The following AK2 variants were observed in gnomAD, a reference collection of about 807,000 sequenced individuals.
The protein encoded by AK2 is adenylate kinase 2.
A neutral mutation model predicts 24.6 loss-of-function variants in AK2; 15 were observed. The observed-to-expected ratio is 0.61, with a 90% confidence interval of 0.41 to 0.94. The LOEUF (loss-of-function observed/expected upper bound fraction) is 0.94. Among genes scored for constraint, AK2 ranks in the 40% least tolerant of loss-of-function variants. AK2 has a pLI of 0.00. For missense variants in AK2, 257 were observed against 304.1 expected, an observed-to-expected ratio of 0.85 and a Z score of 1.15; for synonymous variants, 102 against 114.0, an observed-to-expected ratio of 0.90 and a Z score of 0.67.
rs1335543412 is a variant in AK2, at chr1:33,013,393, C to T, written c.508G>A (p.Glu170Lys). ...TCATCTGATCGACGGATCAAGGGTTCCCCGGTGATCTGAGAACAGGAAGAC... is the reference window on the plus strand; with the variant it reads ...TCATCTGATCGACGGATCAAGGGTTTCCCGGTGATCTGAGAACAGGAAGAC... ...KEPMKDDITGEPLIRRSDDNE... is the reference protein window; with the variant it reads ...KEPMKDDITGKPLIRRSDDNE... Residue 170 changes from glutamate (E) to lysine (K), a missense_variant, in exon 6 of 6, where the codon GAA becomes AAA. Transcript: ENST00000672715. 16 of 1,613,668 alleles carry T rather than the reference C, an allele frequency of 9.9e-6. No individual in the cohort carries two copies. The highest frequency in any genetic ancestry group is 1.2e-5 in the Non-Finnish European group (14 of 1,179,860).
chr1:33,014,316 C>A, intron 5 of AK2: 1 of 480,608 alleles, frequency 2.1e-6, no homozygotes, highest in Admixed American at 2.7e-5. Context: ...CTGGAAGCAA[C>A]CTTGAGGCCA....
At chr1:33,014,631 G>T in intron 4 of AK2, 37 bp from the exon 5 acceptor site, 1 of 1,564,600 alleles carries the variant, frequency 6.4e-7, no homozygotes, top group South Asian at 1.1e-5. Context: ...TAGGTTAACT[G>T]ACAGTACGCG....
At chr1:33,020,744 C>T (rs1352723754) in intron 4 of AK2, among the ~76,000 whole-genome samples, 1 of 151,872 alleles carries the variant, frequency 6.6e-6, no homozygotes, top group Non-Finnish European at 1.5e-5. Context: ...ACTCGGGAGG[C>T]TGAGACAGGA....
chr1:33,008,935 G>A lies in AK2; in HGVS notation c.*4246C>T, dbSNP rs1186942428. ...ACTACACCATGCTGCTTTGCAGGTT[G>A]GTTTGACAAACATTTCCCCACAATT... On this transcript the variant is annotated 3_prime_UTR_variant, in exon 6 of 6. Transcript: ENST00000672715. The A allele has an allele frequency of 6.6e-6, 3 of 454,060 alleles. No individual in the cohort carries two copies. The highest frequency in any genetic ancestry group is 1.6e-5 in the South Asian group (1 of 64,468). The allele number at this position is 454,060 out of a possible 1,614,324, so 28.1% of individuals were successfully genotyped here.
At chr1:33,026,603 T>C (rs1639900512) in intron 1 of AK2, among the ~76,000 whole-genome samples, 1 of 139,896 alleles carries the variant, frequency 7.1e-6, no homozygotes, top group Non-Finnish European at 1.5e-5. Flanking sequence ...GGTCAGGAGA[T>C]TGAGACCATC....
At chr1:33,014,660 G>A in intron 4 of AK2, 66 bp from the exon 5 acceptor site, 1 of 1,388,128 alleles carries the variant, frequency 7.2e-7, no homozygotes, top group South Asian at 1.2e-5. Context: ...CCACTCTAGG[G>A]GGCTCCAGAA....
chr1:33,014,187 T>C (rs1639029101), intron 5 of AK2, among the ~76,000 whole-genome samples: 1 of 152,320 alleles, frequency 6.6e-6, no homozygotes, highest in East Asian at 1.9e-4. Flanking sequence ...TCTCCAATTG[T>C]AGGCTTTTAA....
rs575182776 is a variant in AK2, at chr1:33,008,869, C to A, written c.*4312G>T. On this transcript the variant is annotated 3_prime_UTR_variant, in exon 6 of 6. Coordinates refer to ENST00000672715, the MANE Select transcript of AK2 (RefSeq NM_001625.4). ...GGAAACCCAGGCCCAAAGAAGCAAA[C>A]AAACAATAGCTCACCCAGTCTTCTC... The A allele has an allele frequency of 2.2e-6, 1 of 454,008 alleles. No individual in the cohort carries two copies. The highest frequency in any genetic ancestry group is 2.3e-5 in the Admixed American group (1 of 42,562). The allele number at this position is 454,008 out of a possible 1,614,324, so 28.1% of individuals were successfully genotyped here. A position where few individuals can be genotyped will look rare whatever the true frequency, so the allele number is the denominator to read the frequency against.
chr1:33,030,591 G>A (rs990093176), intron 1 of AK2, among the ~76,000 whole-genome samples: 1 of 152,044 alleles, frequency 6.6e-6, no homozygotes, highest in Non-Finnish European at 1.5e-5. Context: ...CCCTTCTTCC[G>A]CTGAGGATTC....
At chr1:33,026,997 G>T (rs1004382405) in intron 1 of AK2, among the ~76,000 whole-genome samples, 11 of 151,328 alleles carry the variant, frequency 7.3e-5, no homozygotes, top group Non-Finnish European at 1.5e-4. Context: ...GTGCTGGCAC[G>T]TGCCTGTAAT....
chr1:33,034,449 T>TACATAC (rs1640445536), intron 1 of AK2, among the ~76,000 whole-genome samples: 1 of 141,886 alleles, frequency 7.0e-6, no homozygotes, highest in South Asian at 2.3e-4. Flanking sequence ...GGGTGCTTGA[T>TACATAC]ACACACACAC....
At position 33,011,106 on chromosome 1, in the gene AK2, A is replaced by G. The variant is rs550225567; in HGVS notation, c.*2075T>C. ...AATATTACTTGTACATGTTGTATGCACACGTGAATCTATGTGGACGGATGA... is the reference window on the plus strand; with the variant it reads ...AATATTACTTGTACATGTTGTATGCGCACGTGAATCTATGTGGACGGATGA... On this transcript the variant is annotated 3_prime_UTR_variant, in exon 6 of 6. Coordinates refer to ENST00000672715, the MANE Select transcript of AK2 (RefSeq NM_001625.4). The G allele has an allele frequency of 1.8e-5, 26 of 1,429,402 alleles. No individual in the cohort carries two copies. The East Asian group carries it at 6.0e-4, about 33-fold the overall frequency. The allele number at this position is 1,429,402 out of a possible 1,614,324, so 88.5% of individuals were successfully genotyped here. A position where few individuals can be genotyped will look rare whatever the true frequency, so the allele number is the denominator to read the frequency against.
chr1:33,015,660 G>A lies in AK2; in HGVS notation c.426-1066C>T, dbSNP rs144326957. 2.8e-3 allele frequency among the ~76,000 whole-genome samples: 421 copies of A among 152,158 alleles called. 1 individual carries two copies. Among genetic ancestry groups the A allele is most frequent in the African/African-American group, 9.7e-3 (405 of 41,546 alleles). On this transcript the variant is annotated intron_variant, in intron 4 of 5. Transcript: ENST00000672715. Reference sequence around the variant, plus strand: ...GATCCCAACACTTTGGGAGGCTGAGGGGGGCAGATCACCTGAGGTCAGGAG... The same window carrying A: ...GATCCCAACACTTTGGGAGGCTGAGAGGGGCAGATCACCTGAGGTCAGGAG...
Position 33,009,927 on chromosome 1 carries a change from T to G in AK2, c.*3254A>C. 1 of 454,570 alleles carries G rather than the reference T, an allele frequency of 2.2e-6. No homozygotes were observed. Among genetic ancestry groups the G allele is most frequent in the Non-Finnish European group, 4.4e-6 (1 of 226,804 alleles). The allele number at this position is 454,570 out of a possible 1,614,324, so 28.2% of individuals were successfully genotyped here. ...AAATGCCACAACAGGGGATACAAAT[T>G]TTAACATATTTTATTGATTTAGGGG... On this transcript the variant is annotated 3_prime_UTR_variant, in exon 6 of 6. Transcript: ENST00000672715.
At chr1:33,017,359 C>G (rs910420158) in intron 4 of AK2, among the ~76,000 whole-genome samples, 1 of 152,156 alleles carries the variant, frequency 6.6e-6, no homozygotes, top group Non-Finnish European at 1.5e-5. Context: ...AAGGATTCCT[C>G]TGATGCATTC....
rs540075346 is a variant in AK2 at position 33,009,887 on chromosome 1, T to C, written c.*3294A>G. On this transcript the variant is annotated 3_prime_UTR_variant, in exon 6 of 6. Coordinates refer to ENST00000672715, the MANE Select transcript of AK2 (RefSeq NM_001625.4). ...AGAATTCAATGTCATTTTTCTAGCT[T>C]AGATTATCTAAAAAAAATGCCACAA... 1 of 454,488 alleles carries C rather than the reference T, an allele frequency of 2.2e-6. No homozygotes were observed. Among genetic ancestry groups the C allele is most frequent in the East Asian group, 6.9e-5 (1 of 14,402 alleles). The allele number at this position is 454,488 out of a possible 1,614,324, so 28.2% of individuals were successfully genotyped here. A position where few individuals can be genotyped will look rare whatever the true frequency, so the allele number is the denominator to read the frequency against.
At chr1:33,020,395 T>C (rs1302510075) in intron 4 of AK2, among the ~76,000 whole-genome samples, 1 of 152,234 alleles carries the variant, frequency 6.6e-6, no homozygotes, top group Non-Finnish European at 1.5e-5. Context: ...GACATTAACA[T>C]TTCTTAAGCA....
intron 4 of AK2, among the ~76,000 whole-genome samples, chr1:33,019,334 G>A (rs1182624027): frequency 6.6e-6 from 1 of 152,146 alleles, no homozygotes; most frequent in African/African-American, 2.4e-5. Context: ...AGGTACTCAG[G>A]AAGCTGGGCC....
In AK2 at chr1:33,011,746, A is replaced by G; in HGVS notation, c.*1435T>C. ...CAAATCAAACCAGAGACCAAAAGAC[A>G]GCAGGGACCTTAGAAAATGCTCAAT... On this transcript the variant is annotated 3_prime_UTR_variant, in exon 6 of 6. Transcript: ENST00000672715. The G allele has an allele frequency of 7.3e-7, 1 of 1,376,830 alleles. No homozygotes were observed. The highest frequency in any genetic ancestry group is 9.5e-7 in the Non-Finnish European group (1 of 1,047,558). 85.3% of individuals were successfully genotyped at this position (1,376,830 alleles called of 1,614,324 possible).
Sources: gnomAD v4.1 joint callset for allele counts (sites outside exome capture counted in the v4.1 genomes callset) on GRCh38, gnomAD v4.1.1 for gene constraint, MANE v1.5 for transcripts, NCBI Gene and HGNC (gene_info 2026-07-23, HGNC 2026-07-21) for gene names.